Variants in NPEPPS observed in about 807,000 individuals in gnomAD.
The protein encoded by NPEPPS is puromycin-sensitive aminopeptidase.
NPEPPS carries 14 observed loss-of-function variants against 115.5 expected under a neutral mutation model. The observed-to-expected ratio is 0.12, with a 90% CI of 0.08 to 0.19. The LOEUF (loss-of-function observed/expected upper bound fraction) is 0.19. Among genes scored for constraint, NPEPPS ranks in the 10% least tolerant of loss-of-function variants. The probability of loss-of-function intolerance (pLI) is 1.00; values close to 1 mark genes in which losing one functional copy is unlikely to be tolerated. For synonymous variants in NPEPPS, 285 were observed against 390.6 expected (o/e 0.73, Z 3.19); for missense variants, 523 against 1,110.8 (o/e 0.47, Z 7.52).
upstream of NPEPPS, among the ~76,000 whole-genome samples, chr17:47,528,323 A>T (rs1907522164): frequency 6.6e-6 from 1 of 152,124 alleles, no homozygotes; most frequent in Non-Finnish European, 1.5e-5. Context: ...ATTATATGTT[A>T]TTTAAATTAT....
chr17:47,563,866 G>A (rs1243983926), intron 2 of NPEPPS, among the ~76,000 whole-genome samples: 1 of 152,174 alleles, frequency 6.6e-6, no homozygotes, highest in African/African-American at 2.4e-5. Context: ...CACTGTTCCC[G>A]GCCCTGAAAA....
chr17:47,612,768 A>C lies in NPEPPS; in HGVS notation c.2238+166A>C, dbSNP rs559556570. ...AGCCTCTGTCCCCCGAGTTCCAGTG[A>C]TTCTCCTGCCTCAGCCTCCTGGCTA... On this transcript the variant is annotated intron_variant, in intron 18 of 22. Transcript: ENST00000322157. 2.0e-5 allele frequency among the ~76,000 whole-genome samples: 3 copies of C among 149,184 alleles called. No homozygotes were observed. In the South Asian group the frequency reaches 6.3e-4, roughly 31 times the overall value.
chr17:47,605,307 T>C (rs1913447844), intron 16 of NPEPPS, 26 bp from the exon 17 acceptor site: 1 of 1,524,946 alleles, frequency 6.6e-7, no homozygotes, highest in African/African-American at 1.4e-5. Context: ...GAAGACTAGG[T>C]TAATTTATGT....
chr17:47,578,221 A>G (rs1221133665), intron 3 of NPEPPS, among the ~76,000 whole-genome samples: 2 of 57,214 alleles, frequency 3.5e-5, no homozygotes, highest in East Asian at 2.0e-3. Context: ...AAAAAAAGAG[A>G]GAAAGTCACA....
At chr17:47,593,235 A>C (rs1275046842) in intron 12 of NPEPPS, among the ~76,000 whole-genome samples, 2 of 152,196 alleles carry the variant, frequency 1.3e-5, no homozygotes, top group East Asian at 3.8e-4. Context: ...ATCCTCCAGC[A>C]TTCTGCTTTC....
At chr17:47,564,379 A>G (rs1195256275) in intron 2 of NPEPPS, among the ~76,000 whole-genome samples, 3 of 151,772 alleles carry the variant, frequency 2.0e-5, no homozygotes, top group Non-Finnish European at 4.4e-5. Context: ...AATTTTAAGA[A>G]GAAAGAATTA....
intron 13 of NPEPPS, among the ~76,000 whole-genome samples, chr17:47,599,465 T>TA (rs1913058763): frequency 6.6e-6 from 1 of 152,226 alleles, no homozygotes; most frequent in African/African-American, 2.4e-5. Flanking sequence ...CACATGTACT[T>TA]ACCATTGTTG....
chr17:47,563,808 G>A (rs1227577436), intron 2 of NPEPPS, among the ~76,000 whole-genome samples: 2 of 152,168 alleles, frequency 1.3e-5, no homozygotes, highest in African/African-American at 4.8e-5. Flanking sequence ...TTGACCTCGT[G>A]ATCCGCCCTC....
intron 15 of NPEPPS, 83 bp from the exon 16 acceptor site, chr17:47,603,832 C>A: frequency 1.5e-6 from 2 of 1,328,436 alleles, no homozygotes; most frequent in Non-Finnish European, 2.1e-6. Context: ...ATATCTAAAA[C>A]CAGAACTCCT....
chr17:47,585,412 G>A, intron 5 of NPEPPS, 88 bp from the exon 6 acceptor site: 1 of 834,638 alleles, frequency 1.2e-6, no homozygotes, highest in Non-Finnish European at 2.0e-6. Flanking sequence ...GTAAAGAGAT[G>A]CAATAAAGCC....
intron 22 of NPEPPS, 131 bp downstream of exon 22, chr17:47,619,915 G>A (rs1289455523): frequency 1.3e-6 from 1 of 745,318 alleles, no homozygotes; most frequent in Non-Finnish European, 2.3e-6. Context: ...ACATCATGCA[G>A]GGCTGTATAG....
rs1398118834 is a variant in NPEPPS at position 47,596,468 on chromosome 17, CAT to C, written c.1536+10_1536+11del. 6.6e-7 allele frequency: 1 copy of C among 1,511,770 alleles called. No individual in the cohort carries two copies. The highest frequency in any genetic ancestry group is 1.9e-5 in the Admixed American group (1 of 51,868). The allele number at this position is 1,511,770 out of a possible 1,614,324, so 93.6% of individuals were successfully genotyped here. On this transcript the variant is annotated splice_region_variant and intron_variant, in intron 13 of 22. Coordinates refer to ENST00000322157, the MANE Select transcript of NPEPPS (RefSeq NM_006310.4). ...TTTATGTGGAAGCTGAACAGGTAAA[CAT>C]ATAAAGTCTTTCCATTTGTCTGATA...
chr17:47,543,575 C>T (rs1472116352), intron 1 of NPEPPS, among the ~76,000 whole-genome samples: 4 of 151,632 alleles, frequency 2.6e-5, no homozygotes, highest in Non-Finnish European at 2.9e-5. Flanking sequence ...GATCCACCCA[C>T]CTCAGCCTCC....
chr17:47,617,421 G>A (rs1440537742), intron 19 of NPEPPS, among the ~76,000 whole-genome samples: 5 of 151,888 alleles, frequency 3.3e-5, no homozygotes, highest in Admixed American at 1.3e-4. Context: ...GCAGTGGTAC[G>A]ATATGGGCTC....
At chr17:47,557,019 A>C (rs1301675447) in intron 2 of NPEPPS, among the ~76,000 whole-genome samples, 2 of 152,072 alleles carry the variant, frequency 1.3e-5, no homozygotes, top group African/African-American at 4.8e-5. Flanking sequence ...ATTGCTTTGT[A>C]GACCTCAGTT....
intron 1 of NPEPPS, among the ~76,000 whole-genome samples, chr17:47,532,430 C>T (rs1257761101): frequency 4.0e-5 from 6 of 151,882 alleles, no homozygotes; most frequent in Admixed American, 6.6e-5. Context: ...CTGAGGCGGG[C>T]GCACTTGAGG....
intron 1 of NPEPPS, among the ~76,000 whole-genome samples, chr17:47,537,809 T>A (rs556796049): frequency 4.6e-5 from 7 of 152,260 alleles, no homozygotes; most frequent in African/African-American, 9.6e-5. Context: ...TTGTTTTTTT[T>A]AAATACTGAA....
chr17:47,561,677 A>G (rs1448160481), intron 2 of NPEPPS, among the ~76,000 whole-genome samples: 1 of 152,262 alleles, frequency 6.6e-6, no homozygotes, highest in East Asian at 1.9e-4. Flanking sequence ...TTTCTCCCCA[A>G]GCAGGCCATA....
chr17:47,613,939 G>A (rs527552735), intron 19 of NPEPPS, among the ~76,000 whole-genome samples: 19 of 151,260 alleles, frequency 1.3e-4, no homozygotes, highest in African/African-American at 3.6e-4. Context: ...ACTTTTCCCC[G>A]CCTTTTTTAC....
Sources: gnomAD v4.1 joint callset for allele counts (sites outside exome capture counted in the v4.1 genomes callset) on GRCh38, gnomAD v4.1.1 for gene constraint, MANE v1.5 for transcripts, NCBI Gene and HGNC (gene_info 2026-07-23, HGNC 2026-07-21) for gene names.